Variants in UEVLD observed in about 807,000 individuals in gnomAD.
UEVLD encodes UEV and lactate/malate dehyrogenase domains.
UEVLD carries 47 observed loss-of-function variants against 58.6 expected under a neutral mutation model. The observed-to-expected ratio is 0.80, with a 90% confidence interval of 0.63 to 1.02. The LOEUF (loss-of-function observed/expected upper bound fraction) is 1.02, where lower values mean the gene tolerates loss of function less well. Ranked by LOEUF, UEVLD falls within the 50% of genes least tolerant of loss-of-function variation. UEVLD has a pLI of 0.00. For missense variants in UEVLD, 510 were observed against 550.6 expected, an observed-to-expected ratio of 0.93 and a Z score of 0.74; for synonymous variants, 197 against 195.3, an observed-to-expected ratio of 1.01 and a Z score of -0.07.
intron 3 of UEVLD, 134 bp downstream of exon 3, chr11:18,575,212 CA>C (rs3214765): frequency 0.14 from 119,890 of 880,580 alleles, 9,356 homozygotes; most frequent in East Asian, 0.25. Context: ...TTGACTGGAA[CA>C]GATCCAGTAA....
chr11:18,536,630 C>T lies in UEVLD; in HGVS notation c.1061-161G>A, dbSNP rs1323757767. 3 of 591,816 alleles carry T rather than the reference C, an allele frequency of 5.1e-6. No individual in the cohort carries two copies. The East Asian group carries it at 8.9e-5, about 18-fold the overall frequency. 36.7% of individuals were successfully genotyped at this position (591,816 alleles called of 1,614,324 possible). On this transcript the variant is annotated intron_variant, in intron 9 of 11. Transcript: ENST00000396197. Reference sequence around the variant, plus strand: ...TTTCCACTGGATAACAATGAATGTGCTGTACCACTAGCCCGAGGTGAGGAA... The same window carrying T: ...TTTCCACTGGATAACAATGAATGTGTTGTACCACTAGCCCGAGGTGAGGAA...
chr11:18,545,112 G>A (rs1235767752), intron 8 of UEVLD, among the ~76,000 whole-genome samples: 11 of 132,300 alleles, frequency 8.3e-5, no homozygotes, highest in Non-Finnish European at 1.2e-4. Flanking sequence ...TCGCTCTATC[G>A]CCCAGGCTGG....
At chr11:18,570,183 G>T (rs751738121) in intron 4 of UEVLD, 31 bp downstream of exon 4, 4 of 1,472,768 alleles carry the variant, frequency 2.7e-6, no homozygotes, top group Non-Finnish European at 2.7e-6. Context: ...AAAAAAAAAA[G>T]CTTTCTGTAG....
chr11:18,570,502 T>C (rs1483632956), intron 3 of UEVLD, 125 bp from the exon 4 acceptor site: 1 of 906,892 alleles, frequency 1.1e-6, no homozygotes, highest in Non-Finnish European at 1.5e-6. Context: ...TCCCAGCACT[T>C]TGGGATGCTG....
In UEVLD at chr11:18,552,844, G is replaced by A. The variant is rs557034220; in HGVS notation, c.715+5384C>T. On this transcript the variant is annotated intron_variant, in intron 7 of 11. Coordinates refer to ENST00000396197, the MANE Select transcript of UEVLD (RefSeq NM_001040697.4). ...CCACCGCACTCCAGCCTGAATGAGT[G>A]AGACTTGGTCTCAAAAAGAAAAAAA... Among the ~76,000 whole-genome samples, 5 of 151,124 alleles carry A rather than the reference G, an allele frequency of 3.3e-5. No homozygotes were observed. In the South Asian group the frequency reaches 6.3e-4, roughly 19 times the overall value.
intron 1 of UEVLD, among the ~76,000 whole-genome samples, chr11:18,581,263 A>T (rs756875704): frequency 2.6e-5 from 4 of 152,222 alleles, no homozygotes; most frequent in Non-Finnish European, 5.9e-5. Flanking sequence ...GATAATAAAC[A>T]AAATATGTAT....
chr11:18,536,013 A>G (rs1333736897), intron 10 of UEVLD, among the ~76,000 whole-genome samples: 1 of 152,176 alleles, frequency 6.6e-6, no homozygotes, highest in African/African-American at 2.4e-5. Flanking sequence ...GCATGCCTGT[A>G]ATTCCAGCTA....
rs189014597 is a variant in UEVLD at position 18,553,658 on chromosome 11, A to C, written c.715+4570T>G. Among the ~76,000 whole-genome samples, 471 of 152,352 alleles carry C rather than the reference A, an allele frequency of 3.1e-3. 4 individuals are homozygous for C. Among genetic ancestry groups the C allele is most frequent in the Non-Finnish European group, 2.4e-3 (160 of 68,032 alleles). ...GATAAATAAAATGTGCTATATCCATACCAAGAAACATTAGCCACAAAAATG... is the reference window on the plus strand; with the variant it reads ...GATAAATAAAATGTGCTATATCCATCCCAAGAAACATTAGCCACAAAAATG... On this transcript the variant is annotated intron_variant, in intron 7 of 11. Transcript: ENST00000396197.
chr11:18,566,586 A>G, intron 4 of UEVLD, 104 bp from the exon 5 acceptor site: 1 of 1,247,920 alleles, frequency 8.0e-7, no homozygotes, highest in Non-Finnish European at 1.1e-6. Context: ...TTTCAGATGC[A>G]GTGAGTTATG....
intron 1 of UEVLD, among the ~76,000 whole-genome samples, chr11:18,583,748 A>C (rs187681052): frequency 1.4e-5 from 2 of 142,736 alleles, no homozygotes; most frequent in Admixed American, 1.5e-4. Flanking sequence ...CGCAACCTGC[A>C]CTGCCCAGGT....
At chr11:18,563,714 G>C in intron 6 of UEVLD, 1 of 985,610 alleles carries the variant, frequency 1.0e-6, no homozygotes, top group African/African-American at 1.7e-5. Context: ...TAATTAAGAG[G>C]TAATAGCAGG....
chr11:18,565,037 G>T, intron 5 of UEVLD, 27 bp from the exon 6 acceptor site: 1 of 1,509,600 alleles, frequency 6.6e-7, no homozygotes, highest in Non-Finnish European at 9.1e-7. Flanking sequence ...ATTATCCTGA[G>T]AATTCAAAAA....
chr11:18,588,570 C>T (rs757923954), intron 1 of UEVLD, 43 bp downstream of exon 1: 28 of 1,603,032 alleles, frequency 1.7e-5, no homozygotes, highest in Non-Finnish European at 2.3e-5. Context: ...GCACCCCCCG[C>T]AAGACCCTGA....
intron 1 of UEVLD, among the ~76,000 whole-genome samples, chr11:18,586,667 T>C (rs1032079570): frequency 2.0e-5 from 3 of 152,134 alleles, no homozygotes; most frequent in Non-Finnish European, 2.9e-5. Context: ...ACTACAGGCA[T>C]GAGTAACTGT....
chr11:18,586,361 C>G (rs964814023), intron 1 of UEVLD, among the ~76,000 whole-genome samples: 2 of 151,956 alleles, frequency 1.3e-5, no homozygotes, highest in African/African-American at 4.8e-5. Flanking sequence ...ATTACAGGAG[C>G]GGGCCACCAC....
intron 7 of UEVLD, among the ~76,000 whole-genome samples, chr11:18,555,761 A>C (rs943112663): frequency 6.6e-6 from 1 of 152,100 alleles, no homozygotes; most frequent in African/African-American, 2.4e-5. Context: ...CACCCAGGGC[A>C]ACATAGCAAG....
rs771124216 is a variant in UEVLD, at chr11:18,558,307, G to C, written c.636C>G (p.Leu212=). 1 of 1,612,730 alleles carries C rather than the reference G, an allele frequency of 6.2e-7. No homozygotes were observed. The highest frequency in any genetic ancestry group is 1.7e-5 in the Admixed American group (1 of 59,892). ...CTTTAGTCCCTTCTGAGAGGTCTAA[G>C]AGGACAAGCCTGTCTGCAATACCCT... ...SAKGIADRLV[L]LDLSEGTKGA... Residue 212 remains leucine (L), a synonymous_variant, in exon 7 of 12, where the codon CTC becomes CTG. Transcript: ENST00000396197.
intron 2 of UEVLD, 21 bp from the exon 3 acceptor site, chr11:18,575,433 C>G (rs755943087): frequency 2.7e-5 from 41 of 1,527,632 alleles, no homozygotes; most frequent in Middle Eastern, 1.9e-4. Flanking sequence ...AAAAAAAAAG[C>G]CCCAAAATGT....
At chr11:18,563,104 A>C (rs1590348469) in intron 6 of UEVLD, among the ~76,000 whole-genome samples, 1 of 73,774 alleles carries the variant, frequency 1.4e-5, no homozygotes, top group South Asian at 4.8e-4. Context: ...TGTGCTTACC[A>C]AAAAAAAAAA....
Sources: allele counts gnomAD v4.1 joint callset (sites outside exome capture counted in the v4.1 genomes callset), GRCh38; gene constraint gnomAD v4.1.1; transcripts MANE v1.5; gene names NCBI Gene and HGNC (gene_info 2026-07-23, HGNC 2026-07-21).